Variants in RPGRIP1L observed in about 807,000 individuals in gnomAD.
The protein encoded by RPGRIP1L is protein fantom.
A neutral mutation model predicts 160.4 loss-of-function variants in RPGRIP1L; 131 were observed. The observed-to-expected ratio is 0.82, with a 90% CI of 0.71 to 0.94. The LOEUF (loss-of-function observed/expected upper bound fraction) is 0.94, where lower values mean the gene tolerates loss of function less well. Among genes scored for constraint, RPGRIP1L ranks in the 40% least tolerant of loss-of-function variants. The pLI, the probability that RPGRIP1L is intolerant of heterozygous loss-of-function variation, is 0.00. For synonymous variants in RPGRIP1L, 510 were observed against 515.8 expected, an observed-to-expected ratio of 0.99 and a Z score of 0.15; for missense variants, 1,522 against 1,535.8, an observed-to-expected ratio of 0.99 and a Z score of 0.15.
intron 16 of RPGRIP1L, among the ~76,000 whole-genome samples, chr16:53,647,650 C>A (rs1280847003): frequency 1.3e-5 from 2 of 152,178 alleles, no homozygotes; most frequent in Non-Finnish European, 2.9e-5. Context: ...TAACGCAAAC[C>A]TGGCCACTGG....
chr16:53,672,177 A>C (rs914588132), intron 8 of RPGRIP1L, among the ~76,000 whole-genome samples: 1 of 152,168 alleles, frequency 6.6e-6, no homozygotes, highest in African/African-American at 2.4e-5. Context: ...TTACATCCCT[A>C]TGGCTAAAAT....
chr16:53,621,941 T>C (rs1308213127), intron 23 of RPGRIP1L, among the ~76,000 whole-genome samples: 1 of 127,596 alleles, frequency 7.8e-6, no homozygotes, highest in Non-Finnish European at 1.6e-5. Flanking sequence ...GGGAATGGCG[T>C]GAACCCAGGG....
chr16:53,611,006 A>T lies in RPGRIP1L; in HGVS notation c.3662T>A (p.Leu1221Ter). ...CTCTTGTTTTTGTAGTATAGCTTTT[A>T]AGATGTCTCTCTTTGCTTTGTTGTT... ...KENNKAKRDI[L>*]KAILQKQEMP... is the part of the protein sequence containing the mutation. The change falls in exon 25 of 27, where the codon TTA (leucine) becomes TAA (stop). Residue 1221 changes from leucine (L) to a stop codon, truncating the protein, a stop_gained. Transcript: ENST00000647211. LOFTEE classifies it high-confidence loss of function. The T allele has an allele frequency of 6.2e-7, 1 of 1,613,396 alleles. No homozygotes were observed. Among genetic ancestry groups the T allele is most frequent in the South Asian group, 1.1e-5 (1 of 91,070 alleles).
intron 22 of RPGRIP1L, among the ~76,000 whole-genome samples, chr16:53,624,502 C>G (rs1278487502): frequency 6.6e-6 from 1 of 151,698 alleles, no homozygotes; most frequent in Non-Finnish European, 1.5e-5. Flanking sequence ...TGAGATTGCG[C>G]CACTGCACTC....
intron 9 of RPGRIP1L, among the ~76,000 whole-genome samples, chr16:53,667,644 G>A (rs1398577720): frequency 6.6e-6 from 1 of 152,058 alleles, no homozygotes; most frequent in African/African-American, 2.4e-5. Context: ...AGGCCGAGGT[G>A]GGCAGATCAC....
chr16:53,655,268 A>C (rs1729153827), intron 14 of RPGRIP1L, among the ~76,000 whole-genome samples: 1 of 152,230 alleles, frequency 6.6e-6, no homozygotes, highest in Non-Finnish European at 1.5e-5. Context: ...GGAAAATATA[A>C]CTTAAAAAAG....
intron 22 of RPGRIP1L, among the ~76,000 whole-genome samples, chr16:53,629,996 T>C (rs974919201): frequency 6.6e-6 from 1 of 152,182 alleles, no homozygotes; most frequent in African/African-American, 2.4e-5. Flanking sequence ...CTAAATGTCA[T>C]GTCTGTATGT....
rs1385776955 is a variant in RPGRIP1L at position 53,675,134 on chromosome 16, T to C, written c.777-12A>G. ...CCCGAATATTTGACCTTCAGAGTTGTGTTTAAGAAAAAGAGAGACAGAAGT... is the reference window on the plus strand; with the variant it reads ...CCCGAATATTTGACCTTCAGAGTTGCGTTTAAGAAAAAGAGAGACAGAAGT... On this transcript the variant is annotated splice_polypyrimidine_tract_variant and intron_variant, in intron 6 of 26. Coordinates refer to ENST00000647211, the MANE Select transcript of RPGRIP1L (RefSeq NM_015272.5). The C allele has an allele frequency of 1.9e-6, 3 of 1,583,758 alleles. No individual in the cohort carries two copies. The highest frequency in any genetic ancestry group is 2.6e-6 in the Non-Finnish European group (3 of 1,154,956).
intron 22 of RPGRIP1L, among the ~76,000 whole-genome samples, chr16:53,634,092 GCT>G (rs1598283234): frequency 6.6e-6 from 1 of 152,182 alleles, no homozygotes; most frequent in African/African-American, 2.4e-5. Flanking sequence ...AGTGAGGGCT[GCT>G]CTCTGTTTCC....
chr16:53,621,497 C>A (rs1389948947), intron 23 of RPGRIP1L, among the ~76,000 whole-genome samples: 2 of 133,142 alleles, frequency 1.5e-5, no homozygotes, highest in Non-Finnish European at 3.1e-5. Context: ...CTTTTTAATT[C>A]TCTGACCAAT....
intron 22 of RPGRIP1L, among the ~76,000 whole-genome samples, chr16:53,632,472 G>T (rs1965579453): frequency 6.6e-6 from 1 of 152,164 alleles, no homozygotes; most frequent in Non-Finnish European, 1.5e-5. Flanking sequence ...AACTCCTTAA[G>T]ATCAGGAGCT....
chr16:53,654,520 T>C (rs901734129), intron 14 of RPGRIP1L, among the ~76,000 whole-genome samples: 2 of 152,234 alleles, frequency 1.3e-5, no homozygotes, highest in African/African-American at 4.8e-5. Flanking sequence ...GAGGTAGAAA[T>C]AGGCATTCTC....
intron 1 of RPGRIP1L, among the ~76,000 whole-genome samples, chr16:53,701,427 T>C (rs543779427): frequency 5.9e-5 from 9 of 151,910 alleles, no homozygotes; most frequent in African/African-American, 2.2e-4. Flanking sequence ...ATAGGCTCTC[T>C]AGCTAATTCT....
Position 53,645,751 on chromosome 16 carries a change from C to T in RPGRIP1L, c.2557G>A (p.Asp853Asn). ...YFPVPMNMDL[D>N]RYLKSESLSF... is the part of the protein sequence containing the mutation. ...AGAGACTCTGACTTAAGGTATCGAT[C>T]CAAGTCCATATTCATTGGCACTGGG... Residue 853 changes from aspartate to asparagine, a missense_variant, in exon 17 of 27, where the codon GAT (aspartate) becomes AAT (asparagine). Asp to Asn is a conservative substitution (Grantham distance 23). Coordinates refer to ENST00000647211, the MANE Select transcript of RPGRIP1L (RefSeq NM_015272.5). 6.2e-7 allele frequency: 1 copy of T among 1,614,062 alleles called. No individual in the cohort carries two copies. The highest frequency in any genetic ancestry group is 8.5e-7 in the Non-Finnish European group (1 of 1,180,006).
intron 4 of RPGRIP1L, among the ~76,000 whole-genome samples, chr16:53,690,628 A>G (rs1231616867): frequency 6.6e-6 from 1 of 152,194 alleles, no homozygotes; most frequent in African/African-American, 2.4e-5. Flanking sequence ...TAGCTTGAAC[A>G]TTATTTTTAT....
intron 10 of RPGRIP1L, among the ~76,000 whole-genome samples, chr16:53,664,307 T>C (rs1314147733): frequency 6.6e-6 from 1 of 152,214 alleles, no homozygotes; most frequent in African/African-American, 2.4e-5. Flanking sequence ...TTAAGGTCAC[T>C]GTCACAAAGT....
At chr16:53,668,238 T>A (rs1328152606) in intron 9 of RPGRIP1L, among the ~76,000 whole-genome samples, 1 of 152,152 alleles carries the variant, frequency 6.6e-6, no homozygotes, top group Admixed American at 6.5e-5. Context: ...TTTTATGGTT[T>A]CTAGAAGGTT....
At position 53,602,179 on chromosome 16, in the gene RPGRIP1L, G is replaced by GC. The variant is rs1412913570; in HGVS notation, c.3844dup (p.Ala1282GlyfsTer6). The GC allele has an allele frequency of 6.2e-7, 1 of 1,611,316 alleles. No homozygotes were observed. Among genetic ancestry groups the GC allele is most frequent in the South Asian group, 1.1e-5 (1 of 90,982 alleles). ...GCCAATACCTTCACCATCTGCTCGT[G>GC]CATCAAAAACTAGGGAGAAAAGAGC... On this transcript the variant is annotated frameshift_variant, in exon 27 of 27. Coordinates refer to ENST00000647211, the MANE Select transcript of RPGRIP1L (RefSeq NM_015272.5). LOFTEE classifies it high-confidence loss of function.
At chr16:53,656,722 A>G (rs1967290352) in intron 13 of RPGRIP1L, 133 bp from the exon 14 acceptor site, 3 of 710,300 alleles carry the variant, frequency 4.2e-6, no homozygotes. Flanking sequence ...CCTGACCTCA[A>G]GTAGCTTACA....
Sources: allele counts gnomAD v4.1 joint callset (sites outside exome capture counted in the v4.1 genomes callset), GRCh38; gene constraint gnomAD v4.1.1; transcripts MANE v1.5; gene names NCBI Gene and HGNC (gene_info 2026-07-23, HGNC 2026-07-21).